The following METTL3 variants were observed in gnomAD, a reference collection of about 807,000 sequenced individuals.
METTL3 encodes methyltransferase 3, N6-adenosine-methyltransferase complex catalytic subunit.
Under a neutral mutation model 64.3 loss-of-function variants are expected in METTL3, and 42 were observed. That is an observed-to-expected ratio of 0.65 (90% confidence interval 0.51 to 0.84). The LOEUF (loss-of-function observed/expected upper bound fraction) is 0.84. Among genes scored for constraint, METTL3 ranks in the 40% least tolerant of loss-of-function variants. The pLI is 0.00. For missense variants in METTL3, 435 were observed against 722.3 expected (o/e 0.60, Z 4.56); for synonymous variants, 256 against 263.6 (o/e 0.97, Z 0.28).
intron 1 of METTL3, among the ~76,000 whole-genome samples, chr14:21,505,614 G>A (rs1243600233): frequency 6.6e-6 from 1 of 152,104 alleles, no homozygotes; most frequent in Non-Finnish European, 1.5e-5. Context: ...TGTTATTCAG[G>A]TGAAATTCCC....
chr14:21,510,525 C>CG (rs1891807246), intron 1 of METTL3: 3 of 152,146 alleles, frequency 2.0e-5, no homozygotes, highest in African/African-American at 7.2e-5. Context: ...GATCGTGACA[C>CG]GGGGGCAACA....
intron 8 of METTL3, 54 bp downstream of exon 8, chr14:21,499,438 C>A: frequency 6.2e-7 from 1 of 1,607,826 alleles, no homozygotes; most frequent in South Asian, 1.1e-5. Flanking sequence ...AGTAAGAAAT[C>A]AAATGATTCT....
intron 1 of METTL3, among the ~76,000 whole-genome samples, chr14:21,505,831 C>T (rs1019954386): frequency 5.9e-5 from 9 of 152,180 alleles, no homozygotes; most frequent in East Asian, 3.8e-4. Context: ...TCTAATCTAA[C>T]GAAAATAATG....
chr14:21,505,846 C>T (rs1314237992), intron 1 of METTL3, among the ~76,000 whole-genome samples: 2 of 152,036 alleles, frequency 1.3e-5, no homozygotes, highest in Non-Finnish European at 2.9e-5. Context: ...ATAATGTGTT[C>T]GGTTTAGCAA....
intron 7 of METTL3, 73 bp downstream of exon 7, chr14:21,499,691 T>A: frequency 3.8e-6 from 6 of 1,580,846 alleles, no homozygotes; most frequent in Non-Finnish European, 5.2e-6. Context: ...CACAGAATAG[T>A]CTGGGAGAAG....
chr14:21,500,320 C>G (rs1187084455), intron 6 of METTL3, among the ~76,000 whole-genome samples, 175 bp downstream of exon 6: 1 of 151,682 alleles, frequency 6.6e-6, no homozygotes, highest in Non-Finnish European at 1.5e-5. Flanking sequence ...GCTGAGATCA[C>G]ACTACTGCAC....
chr14:21,500,790 C>T, intron 5 of METTL3, 108 bp from the exon 6 acceptor site: 1 of 1,417,150 alleles, frequency 7.1e-7, no homozygotes, highest in Non-Finnish European at 9.7e-7. Context: ...GCTTATCTAT[C>T]CCCCTCCATT....
At chr14:21,506,608 C>T (rs559771474) in intron 1 of METTL3, among the ~76,000 whole-genome samples, 3 of 152,210 alleles carry the variant, frequency 2.0e-5, no homozygotes, top group Admixed American at 1.3e-4. Context: ...GATATTCATA[C>T]ACCCAGGTTC....
Position 21,500,955 on chromosome 14 carries a change from A to G in METTL3, c.1074T>C (p.Ser358=), listed in dbSNP as rs949361158. 3 of 1,613,976 alleles carry G rather than the reference A, an allele frequency of 1.9e-6. No homozygotes were observed. Among genetic ancestry groups the G allele is most frequent in the African/African-American group, 1.3e-5 (1 of 74,946 alleles). Residue 358 remains serine, a synonymous_variant, in exon 5 of 11, where the codon AGT becomes AGC. Transcript: ENST00000298717. ...TPSQELALTQ[S]VGGDSSADRL... ...GGTCTGCACTGGAATCACCTCCGAC[A>G]CTCTGTGTAAGAGCAAGCTCCTGGC...
intron 10 of METTL3, 29 bp from the exon 11 acceptor site, chr14:21,498,398 C>A (rs747291329): frequency 1.9e-6 from 3 of 1,610,312 alleles, no homozygotes; most frequent in Non-Finnish European, 2.5e-6. Context: ...AGGGGCAAAC[C>A]AGAAATCCTG....
intron 1 of METTL3, 200 bp downstream of exon 1, chr14:21,510,924 C>G (rs566616768): frequency 2.8e-5 from 16 of 573,150 alleles, no homozygotes; most frequent in Non-Finnish European, 4.8e-5. Context: ...CTGGAAGAAC[C>G]GAGGCCCAGC....
Position 21,505,798 on chromosome 14 carries a change from T to C in METTL3, c.101-1917A>G, listed in dbSNP as rs186016250. Among the ~76,000 whole-genome samples the C allele has an allele frequency of 4.1e-3, 621 of 152,364 alleles. 3 individuals carry two copies. Among genetic ancestry groups the C allele is most frequent in the African/African-American group, 0.014 (590 of 41,578 alleles). ...CATTTACTCAATGCCTCCGCTCTGC[T>C]GCAACTACACTGACATTCTGCTTCT... is the stretch of plus-strand genomic sequence containing the variant. On this transcript the variant is annotated intron_variant, in intron 1 of 10. Coordinates refer to ENST00000298717, the MANE Select transcript of METTL3 (RefSeq NM_019852.5).
intron 3 of METTL3, chr14:21,502,455 C>T (rs560423098): frequency 2.6e-5 from 4 of 154,666 alleles, no homozygotes; most frequent in African/African-American, 9.6e-5. Context: ...TACCGCTAAG[C>T]ATTATGTTAA....
intron 3 of METTL3, 97 bp from the exon 4 acceptor site, chr14:21,502,000 G>T: frequency 2.7e-5 from 23 of 855,166 alleles, no homozygotes; most frequent in Admixed American, 9.3e-5. Flanking sequence ...TGTCTTCTAA[G>T]AGATAAATCA....
At chr14:21,499,868 T>G (rs1056563836) in intron 6 of METTL3, 66 bp from the exon 7 acceptor site, 33 of 1,485,620 alleles carry the variant, frequency 2.2e-5, no homozygotes, top group Non-Finnish European at 2.8e-5. Flanking sequence ...AAATATGTGA[T>G]GTGTTAAAAA....
chr14:21,500,205 A>G (rs1247660150), intron 6 of METTL3, among the ~76,000 whole-genome samples: 1 of 151,996 alleles, frequency 6.6e-6, no homozygotes, highest in South Asian at 2.1e-4. Flanking sequence ...TAAAAATACA[A>G]AAAGAAAAAA....
chr14:21,499,276 G>A (rs1286412604), intron 9 of METTL3, 30 bp downstream of exon 9: 1 of 1,613,426 alleles, frequency 6.2e-7, no homozygotes, highest in Admixed American at 1.7e-5. Flanking sequence ...ACAAAAATGT[G>A]GAAGCTTTGG....
intron 4 of METTL3, chr14:21,501,352 C>T (rs1594439714): frequency 1.8e-6 from 1 of 570,060 alleles, no homozygotes; most frequent in East Asian, 3.0e-5. Context: ...TCCTGTTTTA[C>T]CACTGGAAGG....
At chr14:21,506,989 C>T (rs1256607994) in intron 1 of METTL3, among the ~76,000 whole-genome samples, 2 of 152,052 alleles carry the variant, frequency 1.3e-5, no homozygotes, top group African/African-American at 4.8e-5. Flanking sequence ...CCATGTTGGC[C>T]AGGCTGGTCT....
Sources: gnomAD v4.1 joint callset for allele counts (sites outside exome capture counted in the v4.1 genomes callset) on GRCh38, gnomAD v4.1.1 for gene constraint, MANE v1.5 for transcripts, NCBI Gene and HGNC (gene_info 2026-07-23, HGNC 2026-07-21) for gene names.